CNTN6: variants seen among roughly 807,000 people sequenced by gnomAD.
The protein encoded by CNTN6 is contactin-6.
Under a neutral mutation model 122.8 loss-of-function variants are expected in CNTN6, and 137 were observed. The ratio of observed to expected loss-of-function variants is 1.12; its 90% confidence interval spans 0.97 to 1.29. The LOEUF (loss-of-function observed/expected upper bound fraction) is 1.29. Among genes scored for constraint, CNTN6 ranks in the 50% most tolerant of loss-of-function variants. The pLI is 0.00. For missense variants in CNTN6, 1,634 were observed against 1,223.4 expected (o/e 1.34, Z -5.01); for synonymous variants, 570 against 426.0 (o/e 1.34, Z -4.16).
intron 2 of CNTN6, among the ~76,000 whole-genome samples, chr3:1,186,042 A>AT (rs1424333767): frequency 6.6e-6 from 1 of 152,190 alleles, no homozygotes; most frequent in Non-Finnish European, 1.5e-5. Context: ...TATAAATGTG[A>AT]TTTTTGTGAT....
At chr3:1,375,859 T>C (rs1218393204) in intron 16 of CNTN6, among the ~76,000 whole-genome samples, 1 of 152,160 alleles carries the variant, frequency 6.6e-6, no homozygotes, top group Non-Finnish European at 1.5e-5. Flanking sequence ...ATGACTATTT[T>C]CTGGTCATGT....
At chr3:1,336,710 G>A (rs893792833) in intron 11 of CNTN6, among the ~76,000 whole-genome samples, 2 of 151,918 alleles carry the variant, frequency 1.3e-5, no homozygotes, top group Non-Finnish European at 2.9e-5. Flanking sequence ...AACCCATTAG[G>A]TGAATTGGAG....
In CNTN6 at chr3:1,255,737, A is replaced by G. The variant is rs1481917769; in HGVS notation, c.359-22676A>G. On this transcript the variant is annotated intron_variant, in intron 4 of 22. Coordinates refer to ENST00000446702, the MANE Select transcript of CNTN6 (RefSeq NM_001289080.2). ...TGCCCAGCTTGAGTGCAGTGGCACC[A>G]TCACAACCTACTGCAGCTTCAAACT... Among the ~76,000 whole-genome samples, 5 of 152,160 alleles carry G rather than the reference A, an allele frequency of 3.3e-5. No individual in the cohort carries two copies. The East Asian group carries it at 9.6e-4, about 29-fold the overall frequency.
chr3:1,237,554 T>C (rs2094437030), intron 4 of CNTN6, among the ~76,000 whole-genome samples: 3 of 152,070 alleles, frequency 2.0e-5, no homozygotes, highest in South Asian at 4.1e-4. Context: ...AAAGAACATA[T>C]GGGAAATTCA....
chr3:1,228,182 A>AT (rs753753722), intron 4 of CNTN6, among the ~76,000 whole-genome samples, 189 bp downstream of exon 4: 2 of 152,204 alleles, frequency 1.3e-5, no homozygotes, highest in Non-Finnish European at 2.9e-5. Context: ...TAAAAAAAGA[A>AT]TAAAAAAAAC....
chr3:1,142,980 A>G (rs761295349), intron 1 of CNTN6, among the ~76,000 whole-genome samples: 19,187 of 87,916 alleles, frequency 0.22, 1,341 homozygotes, highest in Middle Eastern at 0.31. Context: ...ATATATATAT[A>G]TATATATATA....
At chr3:1,286,021 C>T (rs1339693043) in intron 5 of CNTN6, among the ~76,000 whole-genome samples, 2 of 152,140 alleles carry the variant, frequency 1.3e-5, no homozygotes, top group Non-Finnish European at 2.9e-5. Context: ...ACATTCCTTC[C>T]CTCCACTTTC....
intron 4 of CNTN6, among the ~76,000 whole-genome samples, chr3:1,257,306 G>C (rs17036743): frequency 6.6e-6 from 1 of 151,666 alleles, no homozygotes; most frequent in Non-Finnish European, 1.5e-5. Context: ...ATTTTAACTT[G>C]GCTAGTTGTG....
At chr3:1,321,565 G>A in intron 7 of CNTN6, 85 bp from the exon 8 acceptor site, 3 of 1,203,968 alleles carry the variant, frequency 2.5e-6, no homozygotes, top group Non-Finnish European at 2.3e-6. Context: ...TTTTTCTTGA[G>A]AGTTATTTGT....
intron 7 of CNTN6, among the ~76,000 whole-genome samples, chr3:1,300,651 C>G (rs1442394017): frequency 2.6e-5 from 4 of 151,970 alleles, no homozygotes; most frequent in African/African-American, 4.8e-5. Flanking sequence ...TCAATATAGT[C>G]TTTGAACTGC....
chr3:1,313,532 A>G (rs1451290841), intron 7 of CNTN6, among the ~76,000 whole-genome samples: 4 of 152,206 alleles, frequency 2.6e-5, no homozygotes, highest in Admixed American at 2.6e-4. Flanking sequence ...GAGAACACTG[A>G]GTCTCAGAGA....
At position 1,144,736 on chromosome 3, in the gene CNTN6, G is replaced by A. The variant is rs1031952303; in HGVS notation, c.-82-3191G>A. Among the ~76,000 whole-genome samples the A allele has an allele frequency of 1.7e-4, 26 of 152,166 alleles. 1 individual carries two copies. Among genetic ancestry groups the A allele is most frequent in the African/African-American group, 5.8e-4 (24 of 41,518 alleles). On this transcript the variant is annotated intron_variant, in intron 1 of 22. Transcript: ENST00000446702. ...AGGTAAGATGTTTCATGATTCTACG[G>A]TACTGGGTATGATTCTAGGTTCTTT...
At chr3:1,289,831 C>T (rs954349653) in intron 5 of CNTN6, among the ~76,000 whole-genome samples, 15 of 152,022 alleles carry the variant, frequency 9.9e-5, no homozygotes, top group African/African-American at 3.4e-4. Flanking sequence ...CCCAACACCA[C>T]GCCCAGCTAA....
intron 2 of CNTN6, among the ~76,000 whole-genome samples, chr3:1,155,999 A>C (rs2092953594): frequency 6.6e-6 from 1 of 152,218 alleles, no homozygotes; most frequent in Non-Finnish European, 1.5e-5. Flanking sequence ...CAAGCATTCA[A>C]ATTCAATTTC....
At chr3:1,392,333 TG>T (rs1277728964) in intron 20 of CNTN6, among the ~76,000 whole-genome samples, 1 of 152,154 alleles carries the variant, frequency 6.6e-6, no homozygotes, top group African/African-American at 2.4e-5. Context: ...TAAATGGTGC[TG>T]GGAAAACTGG....
chr3:1,330,324 C>G (rs1000056590), intron 11 of CNTN6, among the ~76,000 whole-genome samples: 1 of 151,838 alleles, frequency 6.6e-6, no homozygotes, highest in Non-Finnish European at 1.5e-5. Context: ...TAAATAGTCA[C>G]ACAGGTGTTC....
chr3:1,381,267 C>T (rs1303037322), intron 17 of CNTN6, among the ~76,000 whole-genome samples: 1 of 152,170 alleles, frequency 6.6e-6, no homozygotes, highest in African/African-American at 2.4e-5. Context: ...TCAAAATTAA[C>T]TGGTTTACTT....
At chr3:1,398,288 T>G (rs1695235128) in intron 20 of CNTN6, among the ~76,000 whole-genome samples, 1 of 152,162 alleles carries the variant, frequency 6.6e-6, no homozygotes, top group Non-Finnish European at 1.5e-5. Flanking sequence ...AAAGCAGCTT[T>G]CAGAAGTTTT....
At chr3:1,169,345 C>T (rs1365769487) in intron 2 of CNTN6, among the ~76,000 whole-genome samples, 2 of 152,156 alleles carry the variant, frequency 1.3e-5, no homozygotes, top group African/African-American at 2.4e-5. Flanking sequence ...GGACATTCAG[C>T]CTCCTTGTTG....
Sources: allele counts gnomAD v4.1 joint callset (sites outside exome capture counted in the v4.1 genomes callset), GRCh38; gene constraint gnomAD v4.1.1; transcripts MANE v1.5; gene names NCBI Gene and HGNC (gene_info 2026-07-23, HGNC 2026-07-21).